Variants in ATRNL1 observed in about 807,000 individuals in gnomAD.
ATRNL1 encodes attractin like 1, also known as attractin-like protein 1.
In ATRNL1, 95 loss-of-function variants were observed where a neutral mutation model predicts 182.7. The ratio of observed to expected loss-of-function variants is 0.52; its 90% CI spans 0.44 to 0.62. The LOEUF is 0.62. Among genes scored for constraint, ATRNL1 ranks in the 20% least tolerant of loss-of-function variants. The probability of loss-of-function intolerance (pLI) is 0.00; values close to 1 mark genes in which losing one functional copy is unlikely to be tolerated. For missense variants in ATRNL1, 1,471 were observed against 1,679.5 expected (o/e 0.88, Z 2.17); for synonymous variants, 576 against 568.3 (o/e 1.01, Z -0.19).
intron 24 of ATRNL1, among the ~76,000 whole-genome samples, chr10:115,474,342 A>G (rs1160232248): frequency 6.6e-6 from 1 of 151,382 alleles, no homozygotes; most frequent in Non-Finnish European, 1.5e-5. Flanking sequence ...GTATTCTCTT[A>G]TATGTGATGG....
chr10:115,484,308 A>G (rs926369514), intron 24 of ATRNL1, among the ~76,000 whole-genome samples: 13 of 151,594 alleles, frequency 8.6e-5, no homozygotes, highest in Non-Finnish European at 1.9e-4. Flanking sequence ...CTACTTACAG[A>G]TTATGCTATT....
chr10:115,816,224 G>C (rs1331940929), intron 27 of ATRNL1, among the ~76,000 whole-genome samples: 1 of 152,152 alleles, frequency 6.6e-6, no homozygotes, highest in African/African-American at 2.4e-5. Flanking sequence ...GCCAACTGCA[G>C]TTTGTCACAG....
At chr10:115,906,037 A>G (rs1952493222) in intron 28 of ATRNL1, among the ~76,000 whole-genome samples, 1 of 152,186 alleles carries the variant, frequency 6.6e-6, no homozygotes, top group Admixed American at 6.5e-5. Flanking sequence ...AAAATAAATC[A>G]AGCTCTGAGA....
intron 1 of ATRNL1, among the ~76,000 whole-genome samples, chr10:115,117,139 A>G (rs1263763108): frequency 3.3e-5 from 5 of 151,996 alleles, no homozygotes; most frequent in East Asian, 1.9e-4. Flanking sequence ...CAGTCATGCA[A>G]TGCATAATCA....
At chr10:115,388,833 T>A (rs573776540) in intron 19 of ATRNL1, among the ~76,000 whole-genome samples, 1 of 152,220 alleles carries the variant, frequency 6.6e-6, no homozygotes, top group African/African-American at 2.4e-5. Context: ...AATTGACAAA[T>A]AATAATTATA....
At chr10:115,519,914 G>A (rs1408414406) in intron 25 of ATRNL1, among the ~76,000 whole-genome samples, 3 of 152,118 alleles carry the variant, frequency 2.0e-5, no homozygotes, top group African/African-American at 7.2e-5. Context: ...TGTTTTCAGG[G>A]AACATTTATT....
intron 28 of ATRNL1, among the ~76,000 whole-genome samples, chr10:115,902,375 T>A (rs1228026911): frequency 6.6e-6 from 1 of 152,184 alleles, no homozygotes; most frequent in African/African-American, 2.4e-5. Context: ...AATGTTTTTT[T>A]AAAAGCCGCA....
chr10:115,521,529 G>T (rs1462033454), intron 25 of ATRNL1, among the ~76,000 whole-genome samples: 2 of 152,150 alleles, frequency 1.3e-5, no homozygotes, highest in Admixed American at 6.5e-5. Context: ...ATTTCACAAA[G>T]TTGAATATGT....
chr10:115,384,321 C>G (rs1554952045), intron 19 of ATRNL1, among the ~76,000 whole-genome samples: 1 of 151,932 alleles, frequency 6.6e-6, no homozygotes, highest in African/African-American at 2.4e-5. Flanking sequence ...CTACCACAAT[C>G]AAGATAAACA....
rs557800248 is a variant in ATRNL1 at position 115,606,210 on chromosome 10, G to C, written c.3795+56674G>C. Reference sequence around the variant, plus strand: ...TAGACCCTTTAATTGAGAGGCAAAAGTTCAGATAGCAATTGTACACATTAG... The same window carrying C: ...TAGACCCTTTAATTGAGAGGCAAAACTTCAGATAGCAATTGTACACATTAG... On this transcript the variant is annotated intron_variant, in intron 26 of 28. Coordinates refer to ENST00000355044, the MANE Select transcript of ATRNL1 (RefSeq NM_207303.4). Among the ~76,000 whole-genome samples, 3 of 152,040 alleles carry C rather than the reference G, an allele frequency of 2.0e-5. No individual in the cohort carries two copies. The East Asian group carries it at 5.8e-4, about 29-fold the overall frequency.
intron 26 of ATRNL1, among the ~76,000 whole-genome samples, chr10:115,652,931 T>G (rs1456626866): frequency 6.6e-6 from 1 of 152,106 alleles, no homozygotes; most frequent in Non-Finnish European, 1.5e-5. Context: ...TTATTACTAA[T>G]TTATGTATTG....
chr10:115,919,840 T>C (rs1555118232), intron 28 of ATRNL1, among the ~76,000 whole-genome samples: 1 of 152,148 alleles, frequency 6.6e-6, no homozygotes, highest in African/African-American at 2.4e-5. Flanking sequence ...CACTGTGTTC[T>C]CACGTGGTGG....
chr10:115,498,518 G>C (rs1204363469), intron 24 of ATRNL1, among the ~76,000 whole-genome samples: 6 of 152,064 alleles, frequency 3.9e-5, no homozygotes, highest in Admixed American at 2.6e-4. Flanking sequence ...AAAGACATCA[G>C]CAATTGTGGG....
chr10:115,841,120 T>A (rs1365728874), intron 27 of ATRNL1, among the ~76,000 whole-genome samples: 3 of 152,104 alleles, frequency 2.0e-5, no homozygotes, highest in African/African-American at 7.2e-5. Context: ...GGATAATCTA[T>A]TCAGAGTCAC....
rs78466833 is a variant in ATRNL1, at chr10:115,828,072, C to G, written c.3904-19805C>G. ...GGGGCTCACGCCTGTAATCCCAGCA[C>G]TTTGGGAGACCGAGGTGGGCGGATC... On this transcript the variant is annotated intron_variant, in intron 27 of 28. Coordinates refer to ENST00000355044, the MANE Select transcript of ATRNL1 (RefSeq NM_207303.4). Among the ~76,000 whole-genome samples, 1,435 of 152,198 alleles carry G rather than the reference C, an allele frequency of 9.4e-3. 55 individuals are homozygous for G. The highest frequency in any genetic ancestry group is 0.072 in the East Asian group (370 of 5,148).
At chr10:115,207,491 C>T (rs928709064) in intron 8 of ATRNL1, among the ~76,000 whole-genome samples, 1 of 151,840 alleles carries the variant, frequency 6.6e-6, no homozygotes, top group Non-Finnish European at 1.5e-5. Flanking sequence ...GTATAATTTT[C>T]ATTCAGCCCA....
intron 26 of ATRNL1, among the ~76,000 whole-genome samples, chr10:115,587,018 A>C (rs1192620610): frequency 2.0e-5 from 3 of 148,040 alleles, no homozygotes; most frequent in Non-Finnish European, 4.5e-5. Context: ...TGGCCGTGTG[A>C]GGTGTCAGTC....
intron 22 of ATRNL1, among the ~76,000 whole-genome samples, chr10:115,463,027 A>G (rs1328015756): frequency 6.6e-6 from 1 of 151,634 alleles, no homozygotes; most frequent in Non-Finnish European, 1.5e-5. Flanking sequence ...TATGTTAAAT[A>G]TATATATTAT....
chr10:115,407,810 C>G (rs1213085950), intron 20 of ATRNL1, among the ~76,000 whole-genome samples: 5 of 152,042 alleles, frequency 3.3e-5, no homozygotes, highest in Admixed American at 2.6e-4. Flanking sequence ...AATTTCCATA[C>G]TGTTTTCCAT....
Sources: gnomAD v4.1 joint callset for allele counts (sites outside exome capture counted in the v4.1 genomes callset) on GRCh38, gnomAD v4.1.1 for gene constraint, MANE v1.5 for transcripts, NCBI Gene and HGNC (gene_info 2026-07-23, HGNC 2026-07-21) for gene names.